Variants in NCOA2 observed in about 807,000 individuals in gnomAD.
The protein encoded by NCOA2 is nuclear receptor coactivator 2, also known as class E basic helix-loop-helix protein 75.
A neutral mutation model predicts 145.1 loss-of-function variants in NCOA2; 21 were observed. The observed-to-expected ratio is 0.14, with a 90% CI of 0.10 to 0.21. The LOEUF (loss-of-function observed/expected upper bound fraction) is 0.21, where lower values mean the gene tolerates loss of function less well. Ranked by LOEUF, NCOA2 falls within the 10% of genes least tolerant of loss-of-function variation. The probability of loss-of-function intolerance (pLI) is 1.00; values close to 1 mark genes in which losing one functional copy is unlikely to be tolerated. For missense variants in NCOA2, 1,472 were observed against 1,837.6 expected (o/e 0.80, Z 3.64); for synonymous variants, 619 against 637.5 (o/e 0.97, Z 0.44).
the NCOA2 span, among the ~76,000 whole-genome samples, chr8:70,412,682 A>G: frequency 6.6e-6 from 1 of 150,754 alleles, no homozygotes; most frequent in Non-Finnish European, 1.5e-5. Flanking sequence ...CTAGAATCTA[A>G]TAAATTAAGC....
At chr8:70,212,338 TTGAGGTTTAAAC>T (rs1259663881) in intron 4 of NCOA2, among the ~76,000 whole-genome samples, 1 of 152,130 alleles carries the variant, frequency 6.6e-6, no homozygotes. Context: ...AGATACAAAA[TTGAGGTTTAAAC>T]TGAGTTTTTG....
At chr8:70,281,956 A>T (rs912780949) in intron 2 of NCOA2, among the ~76,000 whole-genome samples, 4 of 152,368 alleles carry the variant, frequency 2.6e-5, no homozygotes, top group East Asian at 3.9e-4. Context: ...TTAGTAAAAT[A>T]TAACATTCAA....
chr8:70,422,024 G>A, the NCOA2 span, among the ~76,000 whole-genome samples: 1 of 151,980 alleles, frequency 6.6e-6, no homozygotes, highest in Non-Finnish European at 1.5e-5. Flanking sequence ...GAACCAGGGA[G>A]GTGGAGGTTG....
rs188374794 is a variant in NCOA2, at chr8:70,261,457, G to A, written c.-20+35287C>T. 8.7e-3 allele frequency among the ~76,000 whole-genome samples: 1,319 copies of A among 152,086 alleles called. 15 individuals carry two copies. Among genetic ancestry groups the A allele is most frequent in the African/African-American group, 0.029 (1,213 of 41,464 alleles). The stretch of plus-strand genomic sequence containing the variant: ...CACACTCTGTGGGGTGGGGGGAGGC[G>A]GGAGGGATAGCATTAGGAGATATAC... On this transcript the variant is annotated intron_variant, in intron 2 of 22. Transcript: ENST00000452400.
At chr8:70,259,638 C>T (rs1029780887) in intron 2 of NCOA2, among the ~76,000 whole-genome samples, 15 of 151,990 alleles carry the variant, frequency 9.9e-5, no homozygotes, top group African/African-American at 3.4e-4. Flanking sequence ...CAATTATGTA[C>T]GTAAAACTTT....
At chr8:70,121,673 C>T (rs1807838948) in intron 21 of NCOA2, among the ~76,000 whole-genome samples, 1 of 152,156 alleles carries the variant, frequency 6.6e-6, no homozygotes, top group East Asian at 1.9e-4. Flanking sequence ...ATAATAGAGC[C>T]ATTTTTGTGC....
chr8:70,428,854 G>A, the NCOA2 span, among the ~76,000 whole-genome samples: 8 of 82,834 alleles, frequency 9.7e-5, no homozygotes, highest in African/African-American at 2.0e-4. Context: ...TGCCCATGCC[G>A]AGCTAATTTG....
rs192776779 is a variant in NCOA2 at position 70,292,798 on chromosome 8, C to T, written c.-20+3946G>A. 1.9e-3 allele frequency among the ~76,000 whole-genome samples: 296 copies of T among 152,274 alleles called. 2 individuals are homozygous for T. Among genetic ancestry groups the T allele is most frequent in the African/African-American group, 5.6e-3 (231 of 41,550 alleles). On this transcript the variant is annotated intron_variant, in intron 2 of 22. Coordinates refer to ENST00000452400, the MANE Select transcript of NCOA2 (RefSeq NM_006540.4). ...AGTTTAATGAGGAAAACTAAGCTAA[C>T]CGGTTCACACTAATGTGTGCACATA... is the stretch of plus-strand genomic sequence containing the variant.
intron 21 of NCOA2, among the ~76,000 whole-genome samples, chr8:70,123,004 C>T (rs1409433759): frequency 1.3e-5 from 2 of 152,110 alleles, no homozygotes; most frequent in African/African-American, 4.8e-5. Context: ...GCATTTTGGG[C>T]CTTTAAAAAC....
At chr8:70,209,976 A>ACTC (rs1260032218) in intron 4 of NCOA2, among the ~76,000 whole-genome samples, 1 of 152,034 alleles carries the variant, frequency 6.6e-6, no homozygotes, top group Non-Finnish European at 1.5e-5. Flanking sequence ...TGTTTCCATG[A>ACTC]CTCCTGTTTC....
In NCOA2 at chr8:70,126,855, G is replaced by T. The variant is rs200990162; in HGVS notation, c.3874C>A (p.Pro1292Thr). 6.2e-7 allele frequency: 1 copy of T among 1,614,014 alleles called. No homozygotes were observed. Among genetic ancestry groups the T allele is most frequent in the Non-Finnish European group, 8.5e-7 (1 of 1,179,900 alleles). ...MPATMSNPRI[P>T]QANAQQFPFP... ...GGAAACTGCTGTGCATTTGCCTGGG[G>T]AATCCGAGGGTTGCTCATAGTTGCT... Residue 1292 changes from proline (P) to threonine (T), a missense_variant, in exon 19 of 23, where the codon CCC becomes ACC. Physicochemically the swap from Pro to Thr is conservative, Grantham distance 38. Coordinates refer to ENST00000452400, the MANE Select transcript of NCOA2 (RefSeq NM_006540.4).
chr8:70,321,535 T>A (rs1806064508), intron 1 of NCOA2, among the ~76,000 whole-genome samples: 1 of 152,018 alleles, frequency 6.6e-6, no homozygotes, highest in African/African-American at 2.4e-5. Context: ...AAAATTAAAA[T>A]TTTTGAAAAA....
At position 70,212,066 on chromosome 8, in the gene NCOA2, CATATATATATATATAT is replaced by C. The variant is rs36215324; in HGVS notation, c.259+1821_259+1836del. Among the ~76,000 whole-genome samples the C allele has an allele frequency of 2.1e-4, 30 of 144,328 alleles. 1 individual carries two copies. Among genetic ancestry groups the C allele is most frequent in the East Asian group, 1.1e-3 (5 of 4,566 alleles). The allele number at this position is 144,328 out of a possible 152,430, so 94.7% of individuals were successfully genotyped here. A position where few individuals can be genotyped will look rare whatever the true frequency, so the allele number is the denominator to read the frequency against. Reference sequence around the variant, plus strand: ...CTTGTGCAAGACCTTCTTTGTGGCGCATATATATATATATATATATATATATATATATATTTGTTTT... The same window carrying C: ...CTTGTGCAAGACCTTCTTTGTGGCGCATATATATATATATATATTTGTTTT... On this transcript the variant is annotated intron_variant, in intron 4 of 22. Coordinates refer to ENST00000452400, the MANE Select transcript of NCOA2 (RefSeq NM_006540.4).
intron 1 of NCOA2, among the ~76,000 whole-genome samples, chr8:70,308,521 T>C (rs1426759162): frequency 6.6e-6 from 1 of 152,000 alleles, no homozygotes; most frequent in Non-Finnish European, 1.5e-5. Context: ...AAAACATGTA[T>C]ATACAAACAC....
intron 1 of NCOA2, among the ~76,000 whole-genome samples, chr8:70,373,807 A>T (rs1299924003): frequency 6.6e-6 from 1 of 152,232 alleles, no homozygotes; most frequent in East Asian, 1.9e-4. Flanking sequence ...ACTAAAAAAC[A>T]ATTGACCGTA....
intron 12 of NCOA2, 70 bp downstream of exon 12, chr8:70,148,203 C>T: frequency 6.8e-7 from 1 of 1,478,138 alleles, no homozygotes; most frequent in Non-Finnish European, 9.4e-7. Flanking sequence ...CATCAGACTT[C>T]AATAATCCCT....
chr8:70,213,403 C>T (rs560409824), intron 4 of NCOA2, among the ~76,000 whole-genome samples: 1 of 152,304 alleles, frequency 6.6e-6, no homozygotes, highest in African/African-American at 2.4e-5. Flanking sequence ...AGATGGATTT[C>T]TTACTGGAGG....
At chr8:70,392,016 G>A (rs577806746) in intron 1 of NCOA2, among the ~76,000 whole-genome samples, 6 of 152,302 alleles carry the variant, frequency 3.9e-5, no homozygotes, top group Non-Finnish European at 5.9e-5. Context: ...CAACCACACC[G>A]TGGAGAGGGT....
At chr8:70,343,738 G>A (rs1022706055) in intron 1 of NCOA2, among the ~76,000 whole-genome samples, 1 of 151,606 alleles carries the variant, frequency 6.6e-6, no homozygotes, top group Admixed American at 6.6e-5. Flanking sequence ...TTGAACCCGG[G>A]AGGCAGAGGT....
Sources: gnomAD v4.1 joint callset for allele counts (sites outside exome capture counted in the v4.1 genomes callset) on GRCh38, gnomAD v4.1.1 for gene constraint, MANE v1.5 for transcripts, NCBI Gene and HGNC (gene_info 2026-07-23, HGNC 2026-07-21) for gene names.